Variants in GNA12 observed in about 807,000 individuals in gnomAD.
The protein encoded by GNA12 is G protein subunit alpha 12.
GNA12 carries 9 observed loss-of-function variants against 26.0 expected under a neutral mutation model. That is an observed-to-expected ratio of 0.35 (90% CI 0.21 to 0.60). The LOEUF (loss-of-function observed/expected upper bound fraction) is 0.60. Among genes scored for constraint, GNA12 ranks in the 20% least tolerant of loss-of-function variants. The pLI, the probability that GNA12 is intolerant of heterozygous loss-of-function variation, is 0.78. For missense variants in GNA12, 405 were observed against 525.8 expected, an observed-to-expected ratio of 0.77 and a Z score of 2.25; for synonymous variants, 264 against 219.6, an observed-to-expected ratio of 1.20 and a Z score of -1.79.
chr7:2,773,555 C>T (rs1346253775), intron 2 of GNA12, among the ~76,000 whole-genome samples: 2 of 152,196 alleles, frequency 1.3e-5, no homozygotes, highest in African/African-American at 4.8e-5. Context: ...GAGTGAGACT[C>T]AGTCTCAAAA....
chr7:2,784,758 C>T (rs1792317127), intron 2 of GNA12, among the ~76,000 whole-genome samples: 1 of 152,186 alleles, frequency 6.6e-6, no homozygotes, highest in Admixed American at 6.5e-5. Context: ...CCCTCTCACT[C>T]CTTTAGCATA....
At chr7:2,735,916 G>A (rs535129221) in intron 2 of GNA12, among the ~76,000 whole-genome samples, 17 of 152,094 alleles carry the variant, frequency 1.1e-4, no homozygotes, top group Non-Finnish European at 1.8e-4. Context: ...GGGACACAGA[G>A]CAACCCTGTG....
Position 2,741,889 on chromosome 7 carries a change from C to G in GNA12, c.526-8388G>C, listed in dbSNP as rs1412195371. ...CTCATAATTACCACGTATTAGACAC[C>G]GAGGTTTATCTAATATATACAGATA... On this transcript the variant is annotated intron_variant, in intron 2 of 3. Coordinates refer to ENST00000275364, the MANE Select transcript of GNA12 (RefSeq NM_007353.3). Among the ~76,000 whole-genome samples the G allele has an allele frequency of 4.0e-5, 6 of 150,768 alleles. No homozygotes were observed. In the South Asian group the frequency reaches 1.3e-3, roughly 32 times the overall value.
Position 2,731,240 on chromosome 7 carries a change from A to G in GNA12, c.1087T>C (p.Phe363Leu), listed in dbSNP as rs1274321284. The change falls in exon 4 of 4, where the codon TTC (phenylalanine) becomes CTC (leucine). Residue 363 changes from phenylalanine (F) to leucine (L), a missense_variant. Physicochemically the swap from Phe to Leu is conservative, Grantham distance 22 (BLOSUM62 0). Coordinates refer to ENST00000275364, the MANE Select transcript of GNA12 (RefSeq NM_007353.3). This position sits in a 1 kb window ranked among gnomAD's most constrained non-coding sequence, Gnocchi z 6.0. ...AGGATGGTGTCTTTCACAGCATGGA[A>G]CACGAAGCGGACGTTCTCGGTGTCG... is the stretch of plus-strand genomic sequence containing the variant. Reference protein sequence around the residue: ...AIDTENVRFVFHAVKDTILQE... With the variant: ...AIDTENVRFVLHAVKDTILQE... 7 of 1,612,638 alleles carry G rather than the reference A, an allele frequency of 4.3e-6. No individual in the cohort carries two copies. Among genetic ancestry groups the G allele is most frequent in the African/African-American group, 1.3e-5 (1 of 74,432 alleles).
chr7:2,814,910 G>A (rs1173287476), intron 1 of GNA12: 1 of 1,599,462 alleles, frequency 6.3e-7, no homozygotes, highest in South Asian at 1.1e-5. Flanking sequence ...GGCACGGCCT[G>A]GGAAACATTC....
At chr7:2,782,201 A>G (rs113294787) in intron 2 of GNA12, among the ~76,000 whole-genome samples, 7 of 152,378 alleles carry the variant, frequency 4.6e-5, no homozygotes, top group African/African-American at 1.7e-4. Context: ...ACATAAAAAG[A>G]AAATGTAGGT....
At chr7:2,784,416 C>T (rs1019154778) in intron 2 of GNA12, among the ~76,000 whole-genome samples, 3 of 152,198 alleles carry the variant, frequency 2.0e-5, no homozygotes, top group African/African-American at 4.8e-5. Flanking sequence ...CCATGCCCAG[C>T]CAAGCTGGAA....
intron 2 of GNA12, among the ~76,000 whole-genome samples, chr7:2,765,670 A>T (rs1791778886): frequency 6.7e-6 from 1 of 149,764 alleles, no homozygotes; most frequent in Admixed American, 6.6e-5. Context: ...TCACTCTGTC[A>T]CCCAGGCTGG....
intron 2 of GNA12, among the ~76,000 whole-genome samples, chr7:2,767,701 T>C (rs543315693): frequency 4.7e-4 from 71 of 152,362 alleles, no homozygotes; most frequent in African/African-American, 1.7e-3. Context: ...TAGCACCAGA[T>C]ATATTTTGGA....
intron 1 of GNA12, among the ~76,000 whole-genome samples, chr7:2,838,063 C>T (rs1001583221): frequency 6.6e-6 from 1 of 151,840 alleles, no homozygotes; most frequent in East Asian, 1.9e-4. Flanking sequence ...ACATCAGGGC[C>T]AGGAGACTGG....
intron 2 of GNA12, among the ~76,000 whole-genome samples, chr7:2,778,938 G>A (rs1246320928): frequency 6.6e-6 from 1 of 152,082 alleles, no homozygotes; most frequent in Non-Finnish European, 1.5e-5. Flanking sequence ...TCAGATTAAG[G>A]GTACGTTATA....
At chr7:2,758,327 G>A (rs1380953945) in intron 2 of GNA12, among the ~76,000 whole-genome samples, 1 of 152,150 alleles carries the variant, frequency 6.6e-6, no homozygotes, top group East Asian at 1.9e-4. Flanking sequence ...CGCCATCCAA[G>A]TGATGACATC....
chr7:2,745,202 C>T lies in GNA12; in HGVS notation c.526-11701G>A, dbSNP rs1790708148. On this transcript the variant is annotated intron_variant, in intron 2 of 3. Coordinates refer to ENST00000275364, the MANE Select transcript of GNA12 (RefSeq NM_007353.3). ...AGATACTCCTTGAGAAAGGCAACTC[C>T]AAGACACATAATTGTCAGATTCACC... Among the ~76,000 whole-genome samples, 3 of 152,102 alleles carry T rather than the reference C, an allele frequency of 2.0e-5. No homozygotes were observed. The South Asian group carries it at 6.2e-4, about 31-fold the overall frequency.
intron 1 of GNA12, among the ~76,000 whole-genome samples, chr7:2,815,710 T>C (rs1415774074): frequency 6.6e-6 from 1 of 152,208 alleles, no homozygotes; most frequent in South Asian, 2.1e-4. Context: ...CCCTGGAGCC[T>C]GGTGCTCCCC....
intron 1 of GNA12, among the ~76,000 whole-genome samples, chr7:2,843,362 G>A (rs2114986363): frequency 6.6e-6 from 1 of 152,080 alleles, no homozygotes; most frequent in South Asian, 2.1e-4. Flanking sequence ...GGCAGAGGCA[G>A]ACCGGGCGCC....
In GNA12 at chr7:2,770,171, G is replaced by A. The variant is rs114233484; in HGVS notation, c.525+24757C>T. ...CAAACCTACAATGTATGACTTTACT[G>A]AGGTTCACTGCCATAATATACTATA... On this transcript the variant is annotated intron_variant, in intron 2 of 3. Transcript: ENST00000275364. Among the ~76,000 whole-genome samples, 778 of 152,248 alleles carry A rather than the reference G, an allele frequency of 5.1e-3. 7 individuals are homozygous for A. The highest frequency in any genetic ancestry group is 0.018 in the African/African-American group (734 of 41,542).
rs1789783354 is a variant in GNA12 at position 2,729,592 on chromosome 7, C to T, written c.*1589G>A. ...CTCCCTCTTCTGCTTCTGCATCTGC[C>T]CCAAGGGCTTGCGTTTACCGGGTTT... On this transcript the variant is annotated 3_prime_UTR_variant, in exon 4 of 4. Coordinates refer to ENST00000275364, the MANE Select transcript of GNA12 (RefSeq NM_007353.3). The T allele has an allele frequency of 6.6e-6, 1 of 152,364 alleles. No homozygotes were observed. Among genetic ancestry groups the T allele is most frequent in the Non-Finnish European group, 1.5e-5 (1 of 68,062 alleles). 9.4% of individuals were successfully genotyped at this position (152,364 alleles called of 1,614,324 possible).
At chr7:2,785,935 C>T (rs1169224296) in intron 2 of GNA12, among the ~76,000 whole-genome samples, 3 of 152,296 alleles carry the variant, frequency 2.0e-5, no homozygotes, top group East Asian at 1.9e-4. Context: ...GGTGTGGTGG[C>T]GGACGCCTGT....
At chr7:2,748,191 T>C (rs1205537236) in intron 2 of GNA12, among the ~76,000 whole-genome samples, 8 of 150,112 alleles carry the variant, frequency 5.3e-5, no homozygotes, top group Admixed American at 1.3e-4. Flanking sequence ...AAAAAGAGCC[T>C]GCATCGCCAA....
Sources: allele counts gnomAD v4.1 joint callset (sites outside exome capture counted in the v4.1 genomes callset), GRCh38; gene constraint gnomAD v4.1.1; non-coding constraint Gnocchi (gnomAD v3.1); transcripts MANE v1.5; gene names NCBI Gene and HGNC (gene_info 2026-07-23, HGNC 2026-07-21).